RIC8B: variants seen among roughly 807,000 people sequenced by gnomAD.
The protein encoded by RIC8B is chaperone Ric-8B.
In RIC8B, 16 loss-of-function variants were observed where a neutral mutation model predicts 57.5. That is an observed-to-expected ratio of 0.28 (90% confidence interval 0.19 to 0.42). The LOEUF (loss-of-function observed/expected upper bound fraction) is 0.42. Among genes scored for constraint, RIC8B ranks in the 10% least tolerant of loss-of-function variants. The probability of loss-of-function intolerance (pLI) is 1.00; values close to 1 mark genes in which losing one functional copy is unlikely to be tolerated. For synonymous variants in RIC8B, 216 were observed against 250.8 expected, an observed-to-expected ratio of 0.86 and a Z score of 1.31; for missense variants, 481 against 677.0, an observed-to-expected ratio of 0.71 and a Z score of 3.21.
intron 3 of RIC8B, among the ~76,000 whole-genome samples, chr12:106,825,397 C>A (rs980641212): frequency 6.6e-6 from 1 of 152,220 alleles, no homozygotes; most frequent in East Asian, 1.9e-4. Context: ...TCTGTTGAAA[C>A]TTTTATAATG....
chr12:106,808,139 T>TA (rs2045144262), intron 2 of RIC8B, among the ~76,000 whole-genome samples: 1 of 150,654 alleles, frequency 6.6e-6, no homozygotes, highest in Non-Finnish European at 1.5e-5. Flanking sequence ...GATATAACAG[T>TA]AAAAAATACA....
Position 106,881,123 on chromosome 12 carries a change from CA to C in RIC8B, c.1572-4780del, listed in dbSNP as rs371224294. On this transcript the variant is annotated intron_variant, in intron 9 of 9. Coordinates refer to ENST00000392837, the MANE Select transcript of RIC8B (RefSeq NM_001330145.2). ...ATAGGGATATGAAAATTGAGTAAAG[CA>C]TAGACATTCTCTTTTTAAAATATCA... Among the ~76,000 whole-genome samples, 15 of 152,104 alleles carry C rather than the reference CA, an allele frequency of 9.9e-5. No individual in the cohort carries two copies. In the East Asian group the frequency reaches 1.7e-3, roughly 18 times the overall value.
chr12:106,825,834 G>A lies in RIC8B; in HGVS notation c.836+14G>A. The A allele has an allele frequency of 6.5e-7, 1 of 1,530,862 alleles. No homozygotes were observed. Among genetic ancestry groups the A allele is most frequent in the South Asian group, 1.1e-5 (1 of 89,368 alleles). 94.8% of individuals were successfully genotyped at this position (1,530,862 alleles called of 1,614,324 possible). A position where few individuals can be genotyped will look rare whatever the true frequency, so the allele number is the denominator to read the frequency against. On this transcript the variant is annotated intron_variant, in intron 4 of 9. Transcript: ENST00000392837. ...AGAGCTACACAGGTGGGTAAGCTCTGTATTGATATCCCAATGAAGGACATC... is the reference window on the plus strand; with the variant it reads ...AGAGCTACACAGGTGGGTAAGCTCTATATTGATATCCCAATGAAGGACATC...
intron 2 of RIC8B, among the ~76,000 whole-genome samples, chr12:106,792,851 G>A (rs781368744): frequency 3.9e-5 from 6 of 152,308 alleles, no homozygotes; most frequent in Non-Finnish European, 8.8e-5. Context: ...TTTGAACCAA[G>A]ACCTGTTCTC....
At chr12:106,807,113 G>A (rs996051588) in intron 2 of RIC8B, among the ~76,000 whole-genome samples, 1 of 152,104 alleles carries the variant, frequency 6.6e-6, no homozygotes, top group Admixed American at 6.5e-5. Context: ...AAATCCATTC[G>A]CTTGTCTCCC....
At chr12:106,849,064 C>G (rs879132661) in intron 6 of RIC8B, among the ~76,000 whole-genome samples, 1 of 151,800 alleles carries the variant, frequency 6.6e-6, no homozygotes, top group Non-Finnish European at 1.5e-5. Context: ...TATTTGATAG[C>G]ACAACAGGGT....
intron 8 of RIC8B, among the ~76,000 whole-genome samples, chr12:106,866,108 A>G (rs1405551642): frequency 1.3e-5 from 2 of 152,184 alleles, no homozygotes; most frequent in Admixed American, 6.5e-5. Flanking sequence ...GACATTCCAT[A>G]TAACTTACTT....
chr12:106,869,307 C>A (rs1036475985), intron 8 of RIC8B, among the ~76,000 whole-genome samples: 3 of 152,060 alleles, frequency 2.0e-5, no homozygotes, highest in African/African-American at 7.2e-5. Flanking sequence ...GATAACAGTA[C>A]GTAGTAAGCA....
intron 9 of RIC8B, among the ~76,000 whole-genome samples, chr12:106,884,350 A>G (rs1951084250): frequency 6.6e-6 from 1 of 152,232 alleles, no homozygotes; most frequent in African/African-American, 2.4e-5. Flanking sequence ...TGTTGAAGAC[A>G]TGAACTCAGT....
chr12:106,812,827 A>G (rs996227739), intron 2 of RIC8B, among the ~76,000 whole-genome samples: 1 of 152,232 alleles, frequency 6.6e-6, no homozygotes, highest in Admixed American at 6.5e-5. Flanking sequence ...CAATGATAGT[A>G]AAATATTAAG....
rs368051510 is a variant in RIC8B, at chr12:106,834,572, T to G, written c.837-8017T>G. 8.5e-5 allele frequency among the ~76,000 whole-genome samples: 13 copies of G among 152,298 alleles called. No homozygotes were observed. In the South Asian group the frequency reaches 2.5e-3, roughly 29 times the overall value. On this transcript the variant is annotated intron_variant, in intron 4 of 9. Transcript: ENST00000392837. ...AGTATCTCAAGATACTTTGCATTTGTTTGTGACATGGGGAGCATTTGATTT... is the reference window on the plus strand; with the variant it reads ...AGTATCTCAAGATACTTTGCATTTGGTTGTGACATGGGGAGCATTTGATTT...
intron 2 of RIC8B, among the ~76,000 whole-genome samples, chr12:106,799,668 C>T (rs2044642544): frequency 6.6e-6 from 1 of 152,152 alleles, no homozygotes; most frequent in African/African-American, 2.4e-5. Context: ...AATTTAGTTT[C>T]AGAAAGATCA....
Position 106,774,759 on chromosome 12 carries a change from G to T in RIC8B, c.14G>T (p.Arg5Leu). Residue 5 changes from arginine to leucine, a missense_variant, in exon 1 of 10, where the codon CGC (arginine) becomes CTC (leucine). Physicochemically the swap from Arg to Leu is moderately radical, Grantham distance 102. Around this residue, in one of 3 missense-constraint regions of RIC8B, gnomAD observed 421 missense variants for 560.9 expected, o/e 0.75. Transcript: ENST00000392837. Reference protein sequence around the residue: MDEERALYIVRAGEA... With the variant: MDEELALYIVRAGEA... The stretch of plus-strand genomic sequence containing the variant: ...GCACCTGCGGCCATGGATGAGGAGC[G>T]CGCCCTCTACATCGTCCGGGCCGGC... 6.4e-7 allele frequency: 1 copy of T among 1,550,830 alleles called. No individual in the cohort carries two copies. Among genetic ancestry groups the T allele is most frequent in the Non-Finnish European group, 8.7e-7 (1 of 1,146,526 alleles).
At chr12:106,780,988 GT>G (rs2043739026) in intron 1 of RIC8B, among the ~76,000 whole-genome samples, 1 of 152,198 alleles carries the variant, frequency 6.6e-6, no homozygotes. Context: ...CAAACTCAAG[GT>G]TGTCTGACTC....
At chr12:106,872,858 C>T (rs1014352781) in intron 9 of RIC8B, among the ~76,000 whole-genome samples, 1 of 152,014 alleles carries the variant, frequency 6.6e-6, no homozygotes, top group African/African-American at 2.4e-5. Context: ...GGCCATCTAC[C>T]CTGGATGAGT....
chr12:106,846,755 C>A (rs548210351), intron 6 of RIC8B, among the ~76,000 whole-genome samples: 6 of 146,412 alleles, frequency 4.1e-5, no homozygotes, highest in South Asian at 2.2e-4. Context: ...TAGTTAAATA[C>A]TTCTTAATAT....
intron 1 of RIC8B, among the ~76,000 whole-genome samples, chr12:106,776,490 G>A (rs2043492920): frequency 6.6e-6 from 1 of 152,172 alleles, no homozygotes; most frequent in Non-Finnish European, 1.5e-5. Context: ...CAATAAATAG[G>A]AATTTGTTTC....
At chr12:106,842,875 A>T in intron 5 of RIC8B, 58 bp downstream of exon 5, 1 of 1,029,756 alleles carries the variant, frequency 9.7e-7, no homozygotes. Flanking sequence ...TAAATGTGCC[A>T]TACATACAGA....
At chr12:106,885,845 GGTGT>G in intron 9 of RIC8B, 55 bp from the exon 10 acceptor site, 1 of 1,046,060 alleles carries the variant, frequency 9.6e-7, no homozygotes, top group Non-Finnish European at 1.5e-6. Context: ...GGGGGGGAGG[GGTGT>G]GTGTGTGATG....
Sources: allele counts gnomAD v4.1 joint callset (sites outside exome capture counted in the v4.1 genomes callset), GRCh38; gene constraint gnomAD v4.1.1; regional missense constraint gnomAD v4.1.1; transcripts MANE v1.5; gene names NCBI Gene and HGNC (gene_info 2026-07-23, HGNC 2026-07-21).